SYDE2: variants seen among roughly 807,000 people sequenced by gnomAD.
SYDE2 encodes the protein rho GTPase-activating protein SYDE2.
A neutral mutation model predicts 91.5 loss-of-function variants in SYDE2; 76 were observed. That is an observed-to-expected ratio of 0.83 (90% CI 0.69 to 1.01). The LOEUF is 1.01. SYDE2 is among the 50% of genes least tolerant of loss of function. The pLI is 0.00. For synonymous variants in SYDE2, 513 were observed against 506.4 expected (o/e 1.01, Z -0.18); for missense variants, 1,364 against 1,367.7 (o/e 1.00, Z 0.04).
At chr1:85,169,750 A>C (rs1171298137) in intron 4 of SYDE2, among the ~76,000 whole-genome samples, 1 of 152,228 alleles carries the variant, frequency 6.6e-6, no homozygotes. Context: ...ATAATTGCTA[A>C]TGCTACACTA....
intron 2 of SYDE2, among the ~76,000 whole-genome samples, chr1:85,184,853 C>T (rs1247002861): frequency 6.7e-6 from 1 of 150,330 alleles, no homozygotes. Flanking sequence ...TGCACTCCAC[C>T]CTGGGAAACA....
downstream of SYDE2, chr1:85,154,150 C>T (rs1656826075): frequency 6.6e-6 from 1 of 151,832 alleles, no homozygotes; most frequent in South Asian, 2.1e-4. Flanking sequence ...CAAATTAAGA[C>T]TTGTTATTAT....
chr1:85,193,014 A>G (rs930412690), intron 1 of SYDE2, among the ~76,000 whole-genome samples: 23 of 152,224 alleles, frequency 1.5e-4, no homozygotes, highest in African/African-American at 5.3e-4. Context: ...ACGCCAAGTA[A>G]CTTGTTCAAG....
Position 85,193,886 on chromosome 1 carries a change from C to A in SYDE2, c.746-3134G>T, listed in dbSNP as rs187025802. On this transcript the variant is annotated intron_variant, in intron 1 of 6. Coordinates refer to ENST00000341460, the MANE Select transcript of SYDE2 (RefSeq NM_032184.2). ...TAAGTGATCTTCCTGTTTCCCCCTC[C>A]CAAAGTGCTGGAATTACGGTGTGAG... is the stretch of plus-strand genomic sequence containing the variant. Among the ~76,000 whole-genome samples, 12 of 152,174 alleles carry A rather than the reference C, an allele frequency of 7.9e-5. No individual in the cohort carries two copies. The East Asian group carries it at 2.1e-3, about 27-fold the overall frequency.
chr1:85,194,464 A>C (rs951134877), intron 1 of SYDE2, among the ~76,000 whole-genome samples: 3 of 147,996 alleles, frequency 2.0e-5, no homozygotes, highest in African/African-American at 7.3e-5. Flanking sequence ...AATACATACA[A>C]TATATAATAA....
In SYDE2 at chr1:85,200,704, G is replaced by A. The variant is rs1658796824; in HGVS notation, c.293C>T (p.Pro98Leu). The A allele has an allele frequency of 6.5e-7, 1 of 1,536,660 alleles. No individual in the cohort carries two copies. Among genetic ancestry groups the A allele is most frequent in the Non-Finnish European group, 8.7e-7 (1 of 1,146,812 alleles). Residue 98 changes from proline to leucine, a missense_variant, in exon 1 of 7, where the codon CCC becomes CTC. Physicochemically the swap from Pro to Leu is moderately conservative, Grantham distance 98. Transcript: ENST00000341460. ...ESLRVGAKPP[P>L]FQRWPSDSWI... is the part of the protein sequence containing the mutation. The stretch of plus-strand genomic sequence containing the variant: ...GCTGTCGCTCGGCCACCGCTGGAAG[G>A]GAGGCGGCTTGGCACCCACCCGGAG...
chr1:85,166,292 T>C (rs1248248227), intron 5 of SYDE2, among the ~76,000 whole-genome samples: 1 of 151,640 alleles, frequency 6.6e-6, no homozygotes, highest in Admixed American at 6.6e-5. Context: ...TGAGCCAAGA[T>C]TGTGCCACTG....
chr1:85,154,643 T>TC (rs1355424357), downstream of SYDE2, among the ~76,000 whole-genome samples: 1 of 151,438 alleles, frequency 6.6e-6, no homozygotes, highest in African/African-American at 2.4e-5. Context: ...ATTCAGCTGC[T>TC]CAGGCCCTAC....
chr1:85,188,905 T>C (rs1190278338), intron 2 of SYDE2, among the ~76,000 whole-genome samples: 1 of 152,240 alleles, frequency 6.6e-6, no homozygotes, highest in Non-Finnish European at 1.5e-5. Flanking sequence ...GCATCTCCTA[T>C]ACCCCACATC....
Position 85,190,096 on chromosome 1 carries a change from T to C in SYDE2, c.1402A>G (p.Met468Val). The change falls in exon 2 of 7, where the codon ATG (methionine) becomes GTG (valine). Residue 468 changes from methionine to valine, a missense_variant. Physicochemically the swap from Met to Val is conservative, Grantham distance 21 (BLOSUM62 1). Transcript: ENST00000341460. ...TTCAACATGGGACTGTCCTCCACCA[T>C]TATACCTTCTTGTGTCTTGTGTCCT... ...KLGHKTQEGIMVEDSPMLKSP... is the reference protein window; with the variant it reads ...KLGHKTQEGIVVEDSPMLKSP... 1.2e-6 allele frequency: 2 copies of C among 1,613,714 alleles called. No homozygotes were observed. Among genetic ancestry groups the C allele is most frequent in the Non-Finnish European group, 1.7e-6 (2 of 1,179,718 alleles).
rs542409004 is a variant in SYDE2 at position 85,200,272 on chromosome 1, T to C, written c.725A>G (p.Asp242Gly). The part of the protein sequence containing the change: ...RENRVLSVPP[D>G]QRITLTDLFE... ...CCTACCTGTCAGCGTAATTCTTTGG[T>C]CTGGAGGCACCGACAGGACACGGTT... Residue 242 changes from aspartate (D) to glycine (G), a missense_variant, in exon 1 of 7, where the codon GAC becomes GGC. By Grantham distance (94) the Asp-to-Gly change is moderately conservative (BLOSUM62 -1). Coordinates refer to ENST00000341460, the MANE Select transcript of SYDE2 (RefSeq NM_032184.2). The C allele has an allele frequency of 1.2e-5, 19 of 1,613,828 alleles. No individual in the cohort carries two copies. In the East Asian group the frequency reaches 4.2e-4, roughly 36 times the overall value.
rs1037743 is a variant in SYDE2, at chr1:85,170,578, T to C, written c.2672-1353A>G. On this transcript the variant is annotated intron_variant, in intron 4 of 6. Transcript: ENST00000341460. ...ACATGATGCTCAAAGGAATGCTCAT[T>C]AGAGCATTCTGGATTTTTGATTTTT... 7.9e-5 allele frequency among the ~76,000 whole-genome samples: 12 copies of C among 152,358 alleles called. 1 individual carries two copies. Among genetic ancestry groups the C allele is most frequent in the South Asian group, 4.1e-4 (2 of 4,826 alleles).
intron 4 of SYDE2, among the ~76,000 whole-genome samples, chr1:85,177,582 C>G (rs1657747975): frequency 6.6e-6 from 1 of 152,104 alleles, no homozygotes; most frequent in Admixed American, 6.6e-5. Context: ...CTACTTCTTC[C>G]TATTTCTACT....
chr1:85,159,455 T>C (rs1338029169), intron 6 of SYDE2, among the ~76,000 whole-genome samples: 1 of 152,232 alleles, frequency 6.6e-6, no homozygotes, highest in Admixed American at 6.5e-5. Flanking sequence ...TAACGTTCCA[T>C]GGTGCTAATT....
At chr1:85,186,625 C>T (rs1658151444) in intron 2 of SYDE2, among the ~76,000 whole-genome samples, 1 of 151,850 alleles carries the variant, frequency 6.6e-6, no homozygotes, top group African/African-American at 2.4e-5. Context: ...TACTACAAGG[C>T]TACAGTAACC....
chr1:85,190,045 G>A lies in SYDE2; in HGVS notation c.1441+12C>T. 6.4e-7 allele frequency: 1 copy of A among 1,565,142 alleles called. No individual in the cohort carries two copies. The highest frequency in any genetic ancestry group is 1.2e-5 in the South Asian group (1 of 84,008). On this transcript the variant is annotated intron_variant, in intron 2 of 6. Coordinates refer to ENST00000341460, the MANE Select transcript of SYDE2 (RefSeq NM_032184.2). ...GAAGAAGAAAGAAAGACACATATATGATCATTTTTACCTGCAAAAGGAGAT... is the reference window on the plus strand; with the variant it reads ...GAAGAAGAAAGAAAGACACATATATAATCATTTTTACCTGCAAAAGGAGAT...
At chr1:85,169,813 A>T (rs1423330708) in intron 4 of SYDE2, among the ~76,000 whole-genome samples, 1 of 152,194 alleles carries the variant, frequency 6.6e-6, no homozygotes, top group African/African-American at 2.4e-5. Context: ...ACCAAAAGCT[A>T]AGAACAGAAA....
chr1:85,200,947 A>G lies in SYDE2; in HGVS notation c.50T>C (p.Leu17Ser). Residue 17 changes from leucine to serine, a missense_variant, in exon 1 of 7, where the codon TTG becomes TCG. Physicochemically the swap from Leu to Ser is moderately radical, Grantham distance 145. Coordinates refer to ENST00000341460, the MANE Select transcript of SYDE2 (RefSeq NM_032184.2). ...DSGARRGGRG[L>S]ADHSFPAGAR... ...TCCCGCGGGGAAGCTGTGATCCGCC[A>G]AGCCCCTGCCGCCCCGCCGCGCGCC... is the stretch of plus-strand genomic sequence containing the variant. 1 of 1,299,050 alleles carries G rather than the reference A, an allele frequency of 7.7e-7. No individual in the cohort carries two copies. 80.5% of individuals were successfully genotyped at this position (1,299,050 alleles called of 1,614,324 possible).
chr1:85,195,167 A>G lies in SYDE2; in HGVS notation c.746-4415T>C, dbSNP rs533397315. 3.9e-5 allele frequency among the ~76,000 whole-genome samples: 6 copies of G among 152,280 alleles called. No homozygotes were observed. The South Asian group carries it at 1.2e-3, about 32-fold the overall frequency. ...AGAGCTAGACTCCATCTAAAAAAAAAAAAAAATGTGTAGTATCTAGAGAGA... is the reference window on the plus strand; with the variant it reads ...AGAGCTAGACTCCATCTAAAAAAAAGAAAAAATGTGTAGTATCTAGAGAGA... On this transcript the variant is annotated intron_variant, in intron 1 of 6. Transcript: ENST00000341460.
Sources: gnomAD v4.1 joint callset for allele counts (sites outside exome capture counted in the v4.1 genomes callset) on GRCh38, gnomAD v4.1.1 for gene constraint, MANE v1.5 for transcripts, NCBI Gene and HGNC (gene_info 2026-07-23, HGNC 2026-07-21) for gene names.